Variants in BBOX1 observed in about 807,000 individuals in gnomAD.
BBOX1 encodes gamma-butyrobetaine dioxygenase.
Under a neutral mutation model 41.6 loss-of-function variants are expected in BBOX1, and 35 were observed. The ratio of observed to expected loss-of-function variants is 0.84; its 90% CI spans 0.64 to 1.11. BBOX1 has a LOEUF of 1.11. Ranked by LOEUF, BBOX1 falls within the 50% of genes most tolerant of loss-of-function variation. The probability of loss-of-function intolerance (pLI) is 0.00; values close to 1 mark genes in which losing one functional copy is unlikely to be tolerated. For missense variants in BBOX1, 458 were observed against 460.6 expected (o/e 0.99, Z 0.05); for synonymous variants, 163 against 154.7 (o/e 1.05, Z -0.40).
intron 3 of BBOX1, among the ~76,000 whole-genome samples, chr11:27,056,388 G>A (rs1160268707): frequency 6.6e-6 from 1 of 152,044 alleles, no homozygotes; most frequent in Non-Finnish European, 1.5e-5. Context: ...CTCCCAAGTA[G>A]CTGGAATTAC....
chr11:27,088,641 T>C (rs191250674), intron 4 of BBOX1, among the ~76,000 whole-genome samples: 391 of 152,148 alleles, frequency 2.6e-3, no homozygotes, highest in Non-Finnish European at 4.7e-3. Flanking sequence ...GACTAAGCTA[T>C]GGATATTCAG....
intron 4 of BBOX1, among the ~76,000 whole-genome samples, chr11:27,057,736 G>T (rs1428310881): frequency 6.6e-6 from 1 of 152,028 alleles, no homozygotes; most frequent in East Asian, 1.9e-4. Flanking sequence ...TGGAATTATG[G>T]GATTGATGAA....
chr11:27,062,759 C>G (rs796797688), intron 4 of BBOX1, among the ~76,000 whole-genome samples: 34 of 152,268 alleles, frequency 2.2e-4, no homozygotes, highest in African/African-American at 8.2e-4. Context: ...GATGGGGTTT[C>G]ACCATGTTGG....
chr11:27,106,326 T>C (rs546884603), intron 5 of BBOX1, among the ~76,000 whole-genome samples: 4 of 151,838 alleles, frequency 2.6e-5, no homozygotes, highest in African/African-American at 7.2e-5. Context: ...TCCATCAGCA[T>C]GCTGTATTCA....
At chr11:27,067,578 A>G (rs1857327867) in intron 4 of BBOX1, among the ~76,000 whole-genome samples, 1 of 151,860 alleles carries the variant, frequency 6.6e-6, no homozygotes, top group African/African-American at 2.4e-5. Context: ...AAAAATACAG[A>G]AATTAGCCAG....
chr11:27,111,061 C>CT (rs144113002), intron 5 of BBOX1, among the ~76,000 whole-genome samples: 10,863 of 151,272 alleles, frequency 0.072, 1,311 homozygotes, highest in African/African-American at 0.24. Flanking sequence ...TTTTAATTCA[C>CT]TTTTTTTTAA....
At chr11:27,054,901 A>C (rs553283404) in intron 2 of BBOX1, among the ~76,000 whole-genome samples, 1 of 152,366 alleles carries the variant, frequency 6.6e-6, no homozygotes, top group South Asian at 2.1e-4. Context: ...TTAAGTAAAT[A>C]ATAAGCATTA....
At chr11:27,050,533 G>A (rs147826911) in intron 2 of BBOX1, among the ~76,000 whole-genome samples, 5 of 152,052 alleles carry the variant, frequency 3.3e-5, no homozygotes, top group South Asian at 2.1e-4. Flanking sequence ...TTTTGTCATC[G>A]TCTTATAGCT....
At chr11:27,125,997 T>C (rs1859637555) in intron 8 of BBOX1, among the ~76,000 whole-genome samples, 177 bp downstream of exon 8, 1 of 152,200 alleles carries the variant, frequency 6.6e-6, no homozygotes, top group African/African-American at 2.4e-5. Flanking sequence ...TTGAGGTTTA[T>C]GCTTAATTAT....
intron 4 of BBOX1, among the ~76,000 whole-genome samples, chr11:27,083,376 C>A (rs1029022515): frequency 1.5e-4 from 23 of 152,050 alleles, no homozygotes; most frequent in Admixed American, 1.4e-3. Context: ...AGAGACAGAG[C>A]CTTGCCTGAG....
chr11:27,045,508 A>C (rs1851463518), intron 2 of BBOX1, among the ~76,000 whole-genome samples: 1 of 149,698 alleles, frequency 6.7e-6, no homozygotes, highest in Non-Finnish European at 1.5e-5. Context: ...GTCTTGTGCC[A>C]GTTTTCAAAG....
intron 5 of BBOX1, among the ~76,000 whole-genome samples, chr11:27,112,973 C>G (rs1859126858): frequency 6.6e-6 from 1 of 151,768 alleles, no homozygotes; most frequent in South Asian, 2.1e-4. Flanking sequence ...ACAAACAACC[C>G]CATTAATAAG....
At chr11:27,050,439 G>T (rs1851636184) in intron 2 of BBOX1, among the ~76,000 whole-genome samples, 1 of 152,056 alleles carries the variant, frequency 6.6e-6, no homozygotes, top group Non-Finnish European at 1.5e-5. Flanking sequence ...GATGACTTTG[G>T]TAGTATGGAT....
chr11:27,099,607 C>G (rs77007775), intron 5 of BBOX1, among the ~76,000 whole-genome samples: 4,970 of 152,048 alleles, frequency 0.033, 125 homozygotes, highest in South Asian at 0.11. Flanking sequence ...GACCCAGTGC[C>G]CCCCAGCATC....
intron 4 of BBOX1, among the ~76,000 whole-genome samples, chr11:27,060,599 G>T (rs1363683229): frequency 6.6e-6 from 1 of 152,096 alleles, no homozygotes; most frequent in Non-Finnish European, 1.5e-5. Flanking sequence ...AAACATGTGT[G>T]GTAACTCTCC....
intron 6 of BBOX1, among the ~76,000 whole-genome samples, chr11:27,115,777 A>G (rs1859238258): frequency 6.6e-6 from 1 of 151,922 alleles, no homozygotes; most frequent in South Asian, 2.1e-4. Context: ...AACAACAACA[A>G]CAACAAAAAC....
chr11:27,057,883 C>G (rs1857033672), intron 4 of BBOX1, among the ~76,000 whole-genome samples: 1 of 152,032 alleles, frequency 6.6e-6, no homozygotes, highest in Non-Finnish European at 1.5e-5. Flanking sequence ...GATCCATAAA[C>G]AGAACAATGT....
At chr11:27,068,951 C>T (rs1235693973) in intron 4 of BBOX1, among the ~76,000 whole-genome samples, 1 of 152,010 alleles carries the variant, frequency 6.6e-6, no homozygotes, top group Non-Finnish European at 1.5e-5. Context: ...TTATATAGTA[C>T]CATGCTGTTT....
At chr11:27,103,488 ATTTCT>A (rs1858743516) in intron 5 of BBOX1, among the ~76,000 whole-genome samples, 1 of 151,662 alleles carries the variant, frequency 6.6e-6, no homozygotes, top group Non-Finnish European at 1.5e-5. Context: ...GTTTCTATTG[ATTTCT>A]TTTAAATTCT....
Sources: allele counts gnomAD v4.1 joint callset (sites outside exome capture counted in the v4.1 genomes callset), GRCh38; gene constraint gnomAD v4.1.1; transcripts MANE v1.5; gene names NCBI Gene and HGNC (gene_info 2026-07-23, HGNC 2026-07-21).